The following DPP10 variants were observed in gnomAD, a reference collection of about 807,000 sequenced individuals.
The protein encoded by DPP10 is inactive dipeptidyl peptidase 10.
Under a neutral mutation model 120.9 loss-of-function variants are expected in DPP10, and 33 were observed. That is an observed-to-expected ratio of 0.27 (90% CI 0.21 to 0.37). The LOEUF is 0.37. DPP10 is among the 10% of genes least tolerant of loss of function. The pLI, the probability that DPP10 is intolerant of heterozygous loss-of-function variation, is 1.00. For synonymous variants in DPP10, 337 were observed against 326.1 expected (o/e 1.03, Z -0.36); for missense variants, 816 against 942.8 (o/e 0.87, Z 1.76).
intron 1 of DPP10, among the ~76,000 whole-genome samples, chr2:115,184,735 T>C (rs1010848423): frequency 6.6e-6 from 1 of 152,232 alleles, no homozygotes; most frequent in Non-Finnish European, 1.5e-5. Flanking sequence ...GATATCCTAA[T>C]GTAAACATTT....
At chr2:115,329,168 T>C (rs2062552004) in intron 2 of DPP10, among the ~76,000 whole-genome samples, 1 of 152,084 alleles carries the variant, frequency 6.6e-6, no homozygotes, top group African/African-American at 2.4e-5. Flanking sequence ...TAATAAATTA[T>C]ATTTCATTTG....
chr2:115,202,960 CAAA>C (rs531481345), intron 1 of DPP10, among the ~76,000 whole-genome samples: 12 of 150,500 alleles, frequency 8.0e-5, no homozygotes, highest in Admixed American at 2.6e-4. Flanking sequence ...AACAAACAAA[CAAA>C]AAACAACAAC....
At chr2:114,751,516 A>G (rs1271357349) in intron 1 of DPP10, among the ~76,000 whole-genome samples, 1 of 152,204 alleles carries the variant, frequency 6.6e-6, no homozygotes, top group Non-Finnish European at 1.5e-5. Flanking sequence ...AAGTTTGGCC[A>G]GAAATTTAAT....
chr2:115,734,211 G>A (rs2092977224), intron 8 of DPP10, among the ~76,000 whole-genome samples: 1 of 152,144 alleles, frequency 6.6e-6, no homozygotes, highest in South Asian at 2.1e-4. Flanking sequence ...CATTTCTCTT[G>A]AAAAGCGTAC....
At chr2:115,228,764 C>T (rs940716282) in intron 1 of DPP10, among the ~76,000 whole-genome samples, 7 of 152,084 alleles carry the variant, frequency 4.6e-5, no homozygotes, top group Non-Finnish European at 7.4e-5. Context: ...ACAATTTCTT[C>T]ATCCACTCAT....
intron 1 of DPP10, among the ~76,000 whole-genome samples, chr2:115,209,128 A>G (rs572752666): frequency 1.1e-4 from 16 of 152,234 alleles, no homozygotes; most frequent in African/African-American, 3.9e-4. Flanking sequence ...TCTCAAAAAG[A>G]TATCCTTTGA....
chr2:114,619,381 A>ATGTG (rs71998520), intron 1 of DPP10, among the ~76,000 whole-genome samples: 4,285 of 146,330 alleles, frequency 0.029, 133 homozygotes, highest in African/African-American at 0.076. Flanking sequence ...ATATATACAT[A>ATGTG]TGTGTGTGTG....
At chr2:115,216,751 C>T (rs530292290) in intron 1 of DPP10, among the ~76,000 whole-genome samples, 2 of 152,036 alleles carry the variant, frequency 1.3e-5, no homozygotes, top group Non-Finnish European at 2.9e-5. Flanking sequence ...TGCCATGGCA[C>T]TCCAGCCTGG....
intron 1 of DPP10, among the ~76,000 whole-genome samples, chr2:114,746,431 G>GA (rs2106011884): frequency 6.6e-6 from 1 of 152,150 alleles, no homozygotes; most frequent in East Asian, 1.9e-4. Flanking sequence ...TCCCAGATCA[G>GA]AAAAATCAAT....
At chr2:115,547,659 G>A (rs886374827) in intron 5 of DPP10, among the ~76,000 whole-genome samples, 2 of 151,946 alleles carry the variant, frequency 1.3e-5, no homozygotes, top group Admixed American at 6.6e-5. Flanking sequence ...CCAGCTACTG[G>A]GGTGGCTGAA....
intron 1 of DPP10, among the ~76,000 whole-genome samples, chr2:114,838,674 A>G (rs1687926780): frequency 6.6e-6 from 1 of 152,130 alleles, no homozygotes; most frequent in South Asian, 2.1e-4. Flanking sequence ...ATACCCTCCA[A>G]TTTCTCCCTA....
intron 1 of DPP10, among the ~76,000 whole-genome samples, chr2:114,921,094 C>T (rs981495372): frequency 3.9e-5 from 6 of 152,136 alleles, no homozygotes; most frequent in Admixed American, 1.3e-4. Flanking sequence ...TCTTCACCCA[C>T]GCTAAATCTT....
At chr2:115,038,220 T>C (rs1704361873) in intron 1 of DPP10, among the ~76,000 whole-genome samples, 1 of 152,020 alleles carries the variant, frequency 6.6e-6, no homozygotes, top group Non-Finnish European at 1.5e-5. Flanking sequence ...ATTCATCCAC[T>C]TCTTTATTTT....
intron 21 of DPP10, 112 bp from the exon 22 acceptor site, chr2:115,836,045 A>C (rs1689454566): frequency 1.8e-6 from 1 of 567,334 alleles, no homozygotes; most frequent in Non-Finnish European, 2.7e-6. Context: ...AACATTGATC[A>C]AAAGCTAAAA....
rs1291909636 is a variant in DPP10 at position 115,165,971 on chromosome 2, A to C, written c.61-143268A>C. Among the ~76,000 whole-genome samples the C allele has an allele frequency of 4.6e-5, 7 of 152,236 alleles. No homozygotes were observed. In the South Asian group the frequency reaches 8.3e-4, roughly 18 times the overall value. ...AACCAATCTCTTACAATTGAACGTG[A>C]AGCTGTCACTTGATGAAATAATTCA... On this transcript the variant is annotated intron_variant, in intron 1 of 25. Coordinates refer to ENST00000410059, the MANE Select transcript of DPP10 (RefSeq NM_020868.6).
chr2:115,359,839 T>C (rs925377183), intron 3 of DPP10, among the ~76,000 whole-genome samples: 2 of 152,178 alleles, frequency 1.3e-5, no homozygotes, highest in African/African-American at 4.8e-5. Context: ...TTTGTCTTAC[T>C]GAATTGGTTA....
intron 1 of DPP10, among the ~76,000 whole-genome samples, chr2:114,546,688 T>A (rs1443815542): frequency 6.6e-6 from 1 of 152,200 alleles, no homozygotes; most frequent in Non-Finnish European, 1.5e-5. Flanking sequence ...GGCAAAGTGT[T>A]CTAGTTAATG....
At chr2:115,676,483 C>A (rs2090269270) in intron 5 of DPP10, among the ~76,000 whole-genome samples, 1 of 151,632 alleles carries the variant, frequency 6.6e-6, no homozygotes, top group Non-Finnish European at 1.5e-5. Context: ...TTTAGAAATT[C>A]AATAAAAAGA....
At chr2:114,806,446 T>C (rs1367167458) in intron 1 of DPP10, among the ~76,000 whole-genome samples, 3 of 152,212 alleles carry the variant, frequency 2.0e-5, no homozygotes, top group South Asian at 4.1e-4. Flanking sequence ...ACCATTTTGA[T>C]TTATTCTCAG....
Sources: gnomAD v4.1 joint callset for allele counts (sites outside exome capture counted in the v4.1 genomes callset) on GRCh38, gnomAD v4.1.1 for gene constraint, MANE v1.5 for transcripts, NCBI Gene and HGNC (gene_info 2026-07-23, HGNC 2026-07-21) for gene names.